The following THADA variants were observed in gnomAD, a reference collection of about 807,000 sequenced individuals.
THADA encodes tRNA (32-2'-O)-methyltransferase regulator THADA.
In THADA, 213 loss-of-function variants were observed where a neutral mutation model predicts 219.8. That is an observed-to-expected ratio of 0.97 (90% confidence interval 0.87 to 1.09). The LOEUF is 1.09. THADA is among the 50% of genes least tolerant of loss of function. The pLI is 0.00. For synonymous variants in THADA, 1,018 were observed against 828.9 expected, an observed-to-expected ratio of 1.23 and a Z score of -3.92; for missense variants, 2,956 against 2,311.3, an observed-to-expected ratio of 1.28 and a Z score of -5.72.
chr2:43,264,470 A>C (rs923939002), intron 36 of THADA, among the ~76,000 whole-genome samples: 10 of 151,920 alleles, frequency 6.6e-5, no homozygotes, highest in African/African-American at 2.2e-4. Context: ...TTTTTAGTAG[A>C]GACGGGGTTT....
intron 29 of THADA, among the ~76,000 whole-genome samples, chr2:43,364,544 G>A (rs1163499544): frequency 2.0e-5 from 3 of 152,160 alleles, no homozygotes; most frequent in African/African-American, 7.2e-5. Context: ...TGCCCCCGTG[G>A]AGAAAAATGG....
chr2:43,359,872 C>T (rs1277789631), intron 29 of THADA, among the ~76,000 whole-genome samples: 1 of 151,746 alleles, frequency 6.6e-6, no homozygotes, highest in African/African-American at 2.4e-5. Context: ...GATCCTCCTT[C>T]CTCAGCTTCC....
chr2:43,558,773 G>A (rs1277086099), intron 16 of THADA, among the ~76,000 whole-genome samples: 1 of 151,986 alleles, frequency 6.6e-6, no homozygotes, highest in East Asian at 1.9e-4. Flanking sequence ...TATCCTATTA[G>A]TTCTGTCCCT....
intron 16 of THADA, among the ~76,000 whole-genome samples, chr2:43,557,137 G>T (rs993032238): frequency 3.9e-5 from 6 of 152,040 alleles, no homozygotes; most frequent in Non-Finnish European, 7.4e-5. Context: ...GCATATAATT[G>T]TAAGTCAATA....
chr2:43,435,480 G>GGGAA (rs1679964235), intron 26 of THADA, among the ~76,000 whole-genome samples: 1 of 150,852 alleles, frequency 6.6e-6, no homozygotes, highest in Non-Finnish European at 1.5e-5. Context: ...AAGGGAGGGA[G>GGGAA]GGAAGGAGGG....
At chr2:43,556,173 T>C (rs1697317456) in intron 17 of THADA, 172 bp downstream of exon 17, 1 of 1,328,554 alleles carries the variant, frequency 7.5e-7, no homozygotes, top group Non-Finnish European at 9.9e-7. Context: ...GAAAAAAGTA[T>C]TATAGCTGAC....
intron 8 of THADA, among the ~76,000 whole-genome samples, chr2:43,580,818 T>C (rs888261189): frequency 5.9e-5 from 9 of 151,732 alleles, no homozygotes; most frequent in African/African-American, 2.2e-4. Context: ...AGGCAGAGGT[T>C]GCAGTGAGCC....
chr2:43,406,315 G>A (rs913744639), intron 28 of THADA, among the ~76,000 whole-genome samples: 7 of 152,170 alleles, frequency 4.6e-5, no homozygotes, highest in South Asian at 2.1e-4. Flanking sequence ...TGCTTTAATT[G>A]TTCAGAATTA....
chr2:43,578,462 A>T, intron 9 of THADA, 51 bp downstream of exon 9: 1 of 1,461,676 alleles, frequency 6.8e-7, no homozygotes, highest in Non-Finnish European at 9.5e-7. Context: ...TATTTTTTAA[A>T]CATACCCTAA....
At chr2:43,232,516 G>A (rs148427425) in intron 37 of THADA, among the ~76,000 whole-genome samples, 197 bp downstream of exon 37, 1 of 152,196 alleles carries the variant, frequency 6.6e-6, no homozygotes, top group East Asian at 1.9e-4. Context: ...GGCTAAGCTG[G>A]AGGCTGACCA....
chr2:43,378,370 T>TA (rs1304512602), intron 29 of THADA, among the ~76,000 whole-genome samples: 2 of 152,156 alleles, frequency 1.3e-5, no homozygotes, highest in African/African-American at 4.8e-5. Context: ...GAAACGGAGA[T>TA]AAAGAATATT....
Position 43,508,719 on chromosome 2 carries a change from T to C in THADA, c.3436A>G (p.Ile1146Val). ...TTAGATGAAGGATCACTGCATTTAA[T>C]TTCCTCTAAAACACTCCATAGCCAC... ...EQWLWSVLEE[I>V]KCSDPSSKLC... The change falls in exon 23 of 38, where the codon ATT (isoleucine) becomes GTT (valine). Residue 1146 changes from isoleucine (I) to valine (V), a missense_variant. Physicochemically the swap from Ile to Val is conservative, Grantham distance 29 (BLOSUM62 3). Transcript: ENST00000405975. 6.2e-7 allele frequency: 1 copy of C among 1,613,794 alleles called. No individual in the cohort carries two copies. Among genetic ancestry groups the C allele is most frequent in the Non-Finnish European group, 8.5e-7 (1 of 1,179,734 alleles).
chr2:43,586,144 A>T (rs1701001569), intron 7 of THADA, among the ~76,000 whole-genome samples: 1 of 152,290 alleles, frequency 6.6e-6, no homozygotes, highest in South Asian at 2.1e-4. Flanking sequence ...GCATGCCTGT[A>T]GTCCCAGCTA....
chr2:43,537,457 C>T (rs1421166215), intron 21 of THADA, among the ~76,000 whole-genome samples: 1 of 152,158 alleles, frequency 6.6e-6, no homozygotes, highest in African/African-American at 2.4e-5. Flanking sequence ...AAAATGGGAA[C>T]TTGCATTGAG....
At chr2:43,341,720 G>A (rs1667082433) in intron 30 of THADA, among the ~76,000 whole-genome samples, 2 of 152,148 alleles carry the variant, frequency 1.3e-5, no homozygotes, top group South Asian at 4.1e-4. Flanking sequence ...AGGTTTCAGA[G>A]GATAATTTCT....
intron 31 of THADA, among the ~76,000 whole-genome samples, chr2:43,319,375 G>T (rs78196510): frequency 1.0e-3 from 157 of 152,252 alleles, no homozygotes; most frequent in Non-Finnish European, 1.8e-3. Context: ...ACACTACAAA[G>T]AGGATACAAC....
At chr2:43,438,610 T>C (rs1291837703) in intron 26 of THADA, among the ~76,000 whole-genome samples, 1 of 152,080 alleles carries the variant, frequency 6.6e-6, no homozygotes, top group East Asian at 1.9e-4. Context: ...GAGTAAACTG[T>C]AGTATAGTAG....
intron 31 of THADA, among the ~76,000 whole-genome samples, chr2:43,303,926 T>A (rs1348477520): frequency 1.3e-5 from 2 of 152,142 alleles, no homozygotes; most frequent in East Asian, 3.8e-4. Flanking sequence ...CCTAACAAAT[T>A]CCCAGGTAAT....
At chr2:43,500,629 G>C (rs370040000) in intron 24 of THADA, among the ~76,000 whole-genome samples, 76 of 152,216 alleles carry the variant, frequency 5.0e-4, no homozygotes, top group South Asian at 4.6e-3. Context: ...TAAGATACTG[G>C]GTAGATTAAA....
Sources: allele counts gnomAD v4.1 joint callset (sites outside exome capture counted in the v4.1 genomes callset), GRCh38; gene constraint gnomAD v4.1.1; transcripts MANE v1.5; gene names NCBI Gene and HGNC (gene_info 2026-07-23, HGNC 2026-07-21).